Variants in NRG1 observed in about 807,000 individuals in gnomAD.
The protein encoded by NRG1 is pro-neuregulin-1, membrane-bound isoform.
In NRG1, 18 loss-of-function variants were observed where a neutral mutation model predicts 63.8. The ratio of observed to expected loss-of-function variants is 0.28; its 90% CI spans 0.19 to 0.42. The LOEUF is 0.42. Ranked by LOEUF, NRG1 falls within the 10% of genes least tolerant of loss-of-function variation. NRG1 has a pLI of 1.00. For missense variants in NRG1, 762 were observed against 814.7 expected, an observed-to-expected ratio of 0.94 and a Z score of 0.79; for synonymous variants, 302 against 301.3, an observed-to-expected ratio of 1.00 and a Z score of -0.02.
Position 32,280,684 on chromosome 8 carries a change from TTTTTTTG to T in NRG1, c.38-315137_38-315131del, listed in dbSNP as rs1195026621. On this transcript the variant is annotated intron_variant, in intron 1 of 10. Transcript: ENST00000519301. ...TCTTTCATGCAACTGAATTAGGTTT[TTTTTTTG>T]TTTTTTTTTTTTTTTTTTTTTTTCA... Among the ~76,000 whole-genome samples, 11 of 102,978 alleles carry T rather than the reference TTTTTTTG, an allele frequency of 1.1e-4. No individual in the cohort carries two copies. The East Asian group carries it at 1.9e-3, about 18-fold the overall frequency. 67.6% of individuals were successfully genotyped at this position (102,978 alleles called of 152,430 possible). A position where few individuals can be genotyped will look rare whatever the true frequency, so the allele number is the denominator to read the frequency against.
chr8:32,521,133 A>AC (rs1830303376), intron 1 of NRG1, among the ~76,000 whole-genome samples: 1 of 152,198 alleles, frequency 6.6e-6, no homozygotes, highest in Admixed American at 6.5e-5. Context: ...AAAATAGTAT[A>AC]TATAGGGTTT....
intron 1 of NRG1, among the ~76,000 whole-genome samples, chr8:32,273,090 C>T (rs894421460): frequency 5.3e-5 from 8 of 152,108 alleles, no homozygotes; most frequent in Non-Finnish European, 1.2e-4. Flanking sequence ...CCATAGAGGC[C>T]AAATGAAGAA....
chr8:31,742,392 C>T (rs962013792), intron 1 of NRG1, among the ~76,000 whole-genome samples: 12 of 140,094 alleles, frequency 8.6e-5, no homozygotes, highest in African/African-American at 3.2e-4. Context: ...ATATATTCTG[C>T]ATTAAAATAA....
intron 1 of NRG1, among the ~76,000 whole-genome samples, chr8:32,294,929 C>T (rs1854652329): frequency 1.3e-5 from 2 of 152,090 alleles, no homozygotes; most frequent in Admixed American, 1.3e-4. Flanking sequence ...ATCTCAAACA[C>T]TAAAAATATT....
chr8:32,004,401 C>A (rs2129747316), intron 1 of NRG1, among the ~76,000 whole-genome samples: 1 of 150,944 alleles, frequency 6.6e-6, no homozygotes, highest in Middle Eastern at 3.4e-3. Context: ...TAAACTATGA[C>A]CTTTAATTAG....
intron 1 of NRG1, among the ~76,000 whole-genome samples, chr8:32,012,696 C>T (rs941958779): frequency 5.9e-5 from 9 of 151,922 alleles, no homozygotes; most frequent in African/African-American, 1.9e-4. Flanking sequence ...GAAAATTGGA[C>T]TAAAAAAGAA....
intron 1 of NRG1, among the ~76,000 whole-genome samples, chr8:32,329,426 T>C (rs1358870605): frequency 3.3e-5 from 5 of 152,210 alleles, no homozygotes; most frequent in Non-Finnish European, 7.3e-5. Flanking sequence ...TACATTAGTA[T>C]CCATTCAGAA....
chr8:31,865,728 T>C (rs1283786228), intron 1 of NRG1, among the ~76,000 whole-genome samples: 1 of 152,190 alleles, frequency 6.6e-6, no homozygotes, highest in Non-Finnish European at 1.5e-5. Context: ...CCTGTGGAAC[T>C]GTGAGTCAAT....
chr8:32,063,529 AC>A (rs1824231965), intron 1 of NRG1: 1 of 152,072 alleles, frequency 6.6e-6, no homozygotes, highest in African/African-American at 2.4e-5. Flanking sequence ...TTCTGGGAAA[AC>A]CAGGATGTTT....
At chr8:32,651,235 T>C (rs922848763) in intron 5 of NRG1, among the ~76,000 whole-genome samples, 6 of 152,152 alleles carry the variant, frequency 3.9e-5, no homozygotes, top group African/African-American at 1.2e-4. Flanking sequence ...TTTCATGATA[T>C]TAATCTATGC....
intron 1 of NRG1, among the ~76,000 whole-genome samples, chr8:32,040,826 T>C (rs1284643126): frequency 1.1e-4 from 16 of 141,224 alleles, no homozygotes; most frequent in African/African-American, 4.2e-4. Context: ...AAGATATTTT[T>C]TTCAGAGATG....
chr8:32,188,887 C>G (rs1464728428), intron 1 of NRG1, among the ~76,000 whole-genome samples: 1 of 151,780 alleles, frequency 6.6e-6, no homozygotes, highest in Non-Finnish European at 1.5e-5. Context: ...GTGCAGCACA[C>G]CAGCATGGCA....
chr8:32,714,679 A>G (rs1343113376), intron 5 of NRG1, among the ~76,000 whole-genome samples: 2 of 152,234 alleles, frequency 1.3e-5, no homozygotes, highest in African/African-American at 4.8e-5. Flanking sequence ...ACAAAAAACT[A>G]AAGAATAAAA....
At chr8:31,827,911 C>A (rs1586675169) in intron 1 of NRG1, among the ~76,000 whole-genome samples, 1 of 152,128 alleles carries the variant, frequency 6.6e-6, no homozygotes, top group East Asian at 1.9e-4. Context: ...TAGGATCTAG[C>A]CAGGAAAATT....
At chr8:32,549,885 T>C (rs1227544230) in intron 1 of NRG1, among the ~76,000 whole-genome samples, 1 of 152,238 alleles carries the variant, frequency 6.6e-6, no homozygotes, top group East Asian at 1.9e-4. Flanking sequence ...CAATTATTAA[T>C]TGATCCAGAT....
At chr8:32,597,672 G>T (rs1843604878) in intron 2 of NRG1, among the ~76,000 whole-genome samples, 2 of 152,046 alleles carry the variant, frequency 1.3e-5, no homozygotes, top group Admixed American at 1.3e-4. Flanking sequence ...TTTGCCTCAA[G>T]TCATATAACT....
chr8:32,075,093 G>A (rs559476151), intron 1 of NRG1, among the ~76,000 whole-genome samples: 1 of 152,350 alleles, frequency 6.6e-6, no homozygotes, highest in African/African-American at 2.4e-5. Context: ...GACCTACTAT[G>A]TGTAACGCAC....
intron 1 of NRG1, among the ~76,000 whole-genome samples, chr8:32,084,140 A>G (rs1368867097): frequency 1.3e-5 from 2 of 152,252 alleles, no homozygotes; most frequent in East Asian, 1.9e-4. Flanking sequence ...TTACCCTTAT[A>G]GAAACTAAAA....
At position 32,331,413 on chromosome 8, in the gene NRG1, C is replaced by G. The variant is rs183387954; in HGVS notation, c.38-264415C>G. Among the ~76,000 whole-genome samples, 5 of 149,456 alleles carry G rather than the reference C, an allele frequency of 3.3e-5. No homozygotes were observed. The East Asian group carries it at 9.9e-4, about 29-fold the overall frequency. The stretch of plus-strand genomic sequence containing the variant: ...GGGTGTGGTGATATGCCCCTGTTGT[C>G]CTAGCTAAAGGGGAGGCTAAGCTGG... On this transcript the variant is annotated intron_variant, in intron 1 of 10. Coordinates refer to the NRG1 transcript ENST00000519301.
Sources: gnomAD v4.1 joint callset for allele counts (sites outside exome capture counted in the v4.1 genomes callset) on GRCh38, gnomAD v4.1.1 for gene constraint, MANE v1.5 for transcripts, NCBI Gene and HGNC (gene_info 2026-07-23, HGNC 2026-07-21) for gene names.